HROB: variants seen among roughly 807,000 people sequenced by gnomAD.
The protein encoded by HROB is homologous recombination factor with OB-fold, also known as homologous recombination OB-fold protein.
A neutral mutation model predicts 61.0 loss-of-function variants in HROB; 44 were observed. That is an observed-to-expected ratio of 0.72 (90% CI 0.57 to 0.93). HROB has a LOEUF of 0.93. HROB is among the 40% of genes least tolerant of loss of function. The pLI is 0.00. For synonymous variants in HROB, 301 were observed against 310.4 expected (o/e 0.97, Z 0.32); for missense variants, 716 against 796.2 (o/e 0.90, Z 1.21).
intron 2 of HROB, among the ~76,000 whole-genome samples, chr17:44,147,440 T>C (rs1315370517): frequency 9.6e-5 from 14 of 146,420 alleles, no homozygotes; most frequent in South Asian, 4.4e-4. Context: ...TTCTTTCTTT[T>C]TTTTTTTTTT....
chr17:44,157,217 T>G (rs947963298), intron 8 of HROB, among the ~76,000 whole-genome samples: 1 of 152,184 alleles, frequency 6.6e-6, no homozygotes, highest in Admixed American at 6.6e-5. Flanking sequence ...GCCTCTTCAC[T>G]CTCTGCTCTA....
At chr17:44,155,899 C>T (rs73983941) in intron 8 of HROB, among the ~76,000 whole-genome samples, 138 of 152,290 alleles carry the variant, frequency 9.1e-4, no homozygotes, top group African/African-American at 3.1e-3. Context: ...CTTTAGGAAC[C>T]GAGACGAGCA....
intron 8 of HROB, among the ~76,000 whole-genome samples, chr17:44,156,669 AT>A (rs200144326): frequency 2.7e-5 from 4 of 150,202 alleles, no homozygotes; most frequent in Non-Finnish European, 4.5e-5. Flanking sequence ...GTATTTATTT[AT>A]TTTTTTTTTT....
rs750605767 is a variant in HROB at position 44,148,105 on chromosome 17, T to C, written c.302T>C (p.Leu101Pro). The C allele has an allele frequency of 1.8e-5, 29 of 1,614,108 alleles. 1 individual carries two copies. In the South Asian group the frequency reaches 3.2e-4, roughly 18 times the overall value. Reference protein sequence around the residue: ...SRPSCIGAAPLRPVSTSSSWI... With the variant: ...SRPSCIGAAPPRPVSTSSSWI... ...CCATCATGCATAGGAGCAGCTCCCC[T>C]AAGGCCTGTCTCTACTTCCAGCAGC... Residue 101 changes from leucine (L) to proline (P), a missense_variant, in exon 3 of 10, where the codon CTA becomes CCA. Leu to Pro is a moderately conservative substitution (Grantham distance 98, BLOSUM62 -3). Coordinates refer to ENST00000585683, the MANE Select transcript of HROB (RefSeq NM_001171251.3).
intron 1 of HROB, among the ~76,000 whole-genome samples, chr17:44,144,917 T>C (rs1321786092): frequency 6.6e-6 from 1 of 151,826 alleles, no homozygotes; most frequent in African/African-American, 2.4e-5. Context: ...GGTTTCTCCA[T>C]GTTGGCCAGG....
intron 4 of HROB, 119 bp from the exon 5 acceptor site, chr17:44,152,518 C>A: frequency 8.5e-7 from 1 of 1,176,106 alleles, no homozygotes; most frequent in Non-Finnish European, 1.2e-6. Flanking sequence ...GGCCATTGTA[C>A]TACAGTTTTT....
At chr17:44,155,040 G>A in intron 7 of HROB, 102 bp downstream of exon 7, 1 of 1,419,512 alleles carries the variant, frequency 7.0e-7, no homozygotes, top group Non-Finnish European at 9.7e-7. Context: ...CAGGCACGGA[G>A]TGGCTGAACC....
chr17:44,153,783 G>A (rs952324953), intron 5 of HROB, among the ~76,000 whole-genome samples: 1 of 151,548 alleles, frequency 6.6e-6, no homozygotes, highest in South Asian at 2.1e-4. Flanking sequence ...GGCGGGGTGG[G>A]TCACGCCTGT....
intron 5 of HROB, 163 bp from the exon 6 acceptor site, chr17:44,154,393 C>A: frequency 1.6e-6 from 1 of 620,778 alleles, no homozygotes; most frequent in Non-Finnish European, 2.9e-6. Flanking sequence ...AGCTCTAGGT[C>A]TGTCAGAGAG....
chr17:44,152,912 T>G, intron 5 of HROB, 135 bp downstream of exon 5: 2 of 1,126,956 alleles, frequency 1.8e-6, no homozygotes, highest in Non-Finnish European at 2.5e-6. Context: ...GAAGCCCCTT[T>G]GGTTGTATCT....
chr17:44,153,233 G>A (rs1360954854), intron 5 of HROB, among the ~76,000 whole-genome samples: 1 of 151,922 alleles, frequency 6.6e-6, no homozygotes, highest in Non-Finnish European at 1.5e-5. Flanking sequence ...GATCACAAAG[G>A]TCAGGAGTTC....
chr17:44,148,214 A>G lies in HROB; in HGVS notation c.411A>G (p.Leu137=), dbSNP rs138840321. 518 of 1,613,798 alleles carry G rather than the reference A, an allele frequency of 3.2e-4. No homozygotes were observed. The highest frequency in any genetic ancestry group is 5.4e-4 in the South Asian group (49 of 91,048). Residue 137 remains leucine (L), a synonymous_variant, in exon 3 of 10, where the codon CTA becomes CTG. Coordinates refer to ENST00000585683, the MANE Select transcript of HROB (RefSeq NM_001171251.3). The part of the protein sequence containing the change: ...ARPQSSALHP[L]LTFESQQQQV... ...CTCAGTCCTCAGCCTTACACCCCCT[A>G]CTCACCTTTGAGAGCCAACAGCAGC... is the stretch of plus-strand genomic sequence containing the variant.
At position 44,148,694 on chromosome 17, in the gene HROB, T is replaced by G. The variant is rs1441803381; in HGVS notation, c.891T>G (p.Pro297=). Residue 297 remains proline (P), a synonymous_variant, in exon 3 of 10, where the codon CCT becomes CCG. Transcript: ENST00000585683. ...AGAGCAGCCCTCAAAATCGTTTCCC[T>G]TGTCAGCCATTCCAGTCTCCAAGTT... The part of the protein sequence containing the change: ...TIQSSPQNRF[P]CQPFQSPSSW... 6.2e-7 allele frequency: 1 copy of G among 1,614,086 alleles called. No homozygotes were observed. The highest frequency in any genetic ancestry group is 8.5e-7 in the Non-Finnish European group (1 of 1,180,008).
In HROB at chr17:44,152,704, C is replaced by T. The variant is rs1158582126; in HGVS notation, c.1376C>T (p.Ser459Phe). The T allele has an allele frequency of 1.9e-6, 3 of 1,614,170 alleles. No homozygotes were observed. Among genetic ancestry groups the T allele is most frequent in the Non-Finnish European group, 1.7e-6 (2 of 1,180,030 alleles). Residue 459 changes from serine to phenylalanine, a missense_variant, in exon 5 of 10, where the codon TCC becomes TTC. Coordinates refer to ENST00000585683, the MANE Select transcript of HROB (RefSeq NM_001171251.3). ...CGAGGGCCCTGGCTGACCATGAAAT[C>T]CACGCTAGGCCTGGATGAGAGAGAC... The part of the protein sequence containing the change: ...FGRGPWLTMK[S>F]TLGLDERDPS...
chr17:44,154,413 A>C (rs1031321439), intron 5 of HROB, 143 bp from the exon 6 acceptor site: 12 of 694,386 alleles, frequency 1.7e-5, no homozygotes, highest in Non-Finnish European at 3.0e-5. Flanking sequence ...GAGATGGGGT[A>C]CCTCCTTGTC....
At chr17:44,156,110 T>C (rs910985245) in intron 8 of HROB, among the ~76,000 whole-genome samples, 1 of 152,198 alleles carries the variant, frequency 6.6e-6, no homozygotes, top group African/African-American at 2.4e-5. Flanking sequence ...TGATGACCTC[T>C]AGTCATCTTA....
chr17:44,157,067 G>T (rs1202073398), intron 8 of HROB, among the ~76,000 whole-genome samples: 1 of 152,088 alleles, frequency 6.6e-6, no homozygotes, highest in Non-Finnish European at 1.5e-5. Context: ...CAAAGTGCTG[G>T]GATTACAGGT....
chr17:44,152,659 C>T lies in HROB; in HGVS notation c.1331C>T (p.Ser444Phe). ...QTEIVASSQA[S>F]VEEDFGRGPW... ...CAGATTGTTGCTAGTTCCCAGGCAT[C>T]TGTGGAGGAGGATTTTGGGCGAGGG... is the stretch of plus-strand genomic sequence containing the variant. Residue 444 changes from serine to phenylalanine, a missense_variant, in exon 5 of 10, where the codon TCT becomes TTT. Transcript: ENST00000585683. The T allele has an allele frequency of 6.2e-7, 1 of 1,614,166 alleles. No individual in the cohort carries two copies. Among genetic ancestry groups the T allele is most frequent in the Non-Finnish European group, 8.5e-7 (1 of 1,180,020 alleles).
intron 2 of HROB, 114 bp downstream of exon 2, chr17:44,145,367 G>A (rs1419979313): frequency 7.8e-7 from 1 of 1,281,260 alleles, no homozygotes; most frequent in Non-Finnish European, 1.1e-6. Flanking sequence ...ACATGTGTAT[G>A]TTTTTGCCTG....
Sources: allele counts gnomAD v4.1 joint callset (sites outside exome capture counted in the v4.1 genomes callset), GRCh38; gene constraint gnomAD v4.1.1; transcripts MANE v1.5; gene names NCBI Gene and HGNC (gene_info 2026-07-23, HGNC 2026-07-21).